ANTXR1: variants seen among roughly 807,000 people sequenced by gnomAD.
The protein encoded by ANTXR1 is ANTXR cell adhesion molecule 1.
In ANTXR1, 19 loss-of-function variants were observed where a neutral mutation model predicts 78.1. The ratio of observed to expected loss-of-function variants is 0.24; its 90% CI spans 0.17 to 0.36. The LOEUF is 0.36. Ranked by LOEUF, ANTXR1 falls within the 10% of genes least tolerant of loss-of-function variation. The pLI, the probability that ANTXR1 is intolerant of heterozygous loss-of-function variation, is 1.00. For missense variants in ANTXR1, 518 were observed against 718.6 expected, an observed-to-expected ratio of 0.72 and a Z score of 3.19; for synonymous variants, 273 against 260.5, an observed-to-expected ratio of 1.05 and a Z score of -0.46.
intron 3 of ANTXR1, among the ~76,000 whole-genome samples, chr2:69,052,126 T>C (rs1172728434): frequency 6.6e-6 from 1 of 152,152 alleles, no homozygotes; most frequent in East Asian, 1.9e-4. Context: ...ATATTTGCAT[T>C]GTATTTTAGA....
chr2:69,014,318 C>T (rs1433589809), intron 1 of ANTXR1, among the ~76,000 whole-genome samples: 1 of 152,026 alleles, frequency 6.6e-6, no homozygotes, highest in Non-Finnish European at 1.5e-5. Flanking sequence ...AGTAACATCC[C>T]CCGCCCCCCA....
intron 17 of ANTXR1, among the ~76,000 whole-genome samples, chr2:69,237,463 C>G (rs369280829): frequency 1.3e-5 from 2 of 152,234 alleles, no homozygotes; most frequent in East Asian, 3.8e-4. Flanking sequence ...GGGTCTCACT[C>G]TGTTGCCCAG....
intron 3 of ANTXR1, among the ~76,000 whole-genome samples, chr2:69,059,461 A>G (rs1199857266): frequency 1.3e-5 from 2 of 150,708 alleles, no homozygotes; most frequent in Non-Finnish European, 2.9e-5. Context: ...GCAATAAAGT[A>G]TTTTTCATCG....
intron 12 of ANTXR1, among the ~76,000 whole-genome samples, chr2:69,132,083 C>A (rs1672766059): frequency 6.6e-6 from 1 of 152,146 alleles, no homozygotes; most frequent in Non-Finnish European, 1.5e-5. Context: ...CCAAGCAGAA[C>A]CATAGAGACT....
At chr2:69,179,458 G>A (rs1326423639) in intron 14 of ANTXR1, among the ~76,000 whole-genome samples, 1 of 150,830 alleles carries the variant, frequency 6.6e-6, no homozygotes, top group Non-Finnish European at 1.5e-5. Context: ...TGAGGTGAGA[G>A]AATTGCTTGA....
intron 10 of ANTXR1, among the ~76,000 whole-genome samples, chr2:69,120,528 C>T (rs1672312099): frequency 6.6e-6 from 1 of 152,026 alleles, no homozygotes; most frequent in African/African-American, 2.4e-5. Flanking sequence ...ATTAGGTGGG[C>T]CTGGTGGCAG....
chr2:69,196,422 G>A (rs1031939893), intron 17 of ANTXR1, among the ~76,000 whole-genome samples: 2 of 152,226 alleles, frequency 1.3e-5, no homozygotes, highest in African/African-American at 4.8e-5. Context: ...ACAGCCACAC[G>A]ATGTACACAT....
rs76339812 is a variant in ANTXR1 at position 69,197,986 on chromosome 2, T to C, written c.1434+4571T>C. Among the ~76,000 whole-genome samples, 744 of 152,360 alleles carry C rather than the reference T, an allele frequency of 4.9e-3. 5 individuals are homozygous for C. The highest frequency in any genetic ancestry group is 0.017 in the African/African-American group (709 of 41,590). On this transcript the variant is annotated intron_variant, in intron 17 of 17. Coordinates refer to ENST00000303714, the MANE Select transcript of ANTXR1 (RefSeq NM_032208.3). ...CACTACATATCCTTGAATAATATCA[T>C]TTTAATGACCATGTCATATTACATT...
intron 1 of ANTXR1, among the ~76,000 whole-genome samples, chr2:69,019,929 C>A (rs944452561): frequency 3.9e-5 from 6 of 152,192 alleles, no homozygotes; most frequent in Admixed American, 3.3e-4. Context: ...TTTATAGCTA[C>A]ATAAAATGCC....
intron 10 of ANTXR1, among the ~76,000 whole-genome samples, chr2:69,111,202 T>C (rs371026609): frequency 6.6e-6 from 1 of 152,212 alleles, no homozygotes; most frequent in Admixed American, 6.5e-5. Flanking sequence ...CAAGAAAATA[T>C]CTTGGAAATC....
intron 14 of ANTXR1, among the ~76,000 whole-genome samples, chr2:69,180,858 G>A (rs1246222554): frequency 6.6e-6 from 1 of 152,192 alleles, no homozygotes; most frequent in Non-Finnish European, 1.5e-5. Flanking sequence ...AATTTCCAGG[G>A]GAGGTTTCTC....
intron 1 of ANTXR1, among the ~76,000 whole-genome samples, chr2:69,029,165 A>AT (rs1390231915): frequency 6.6e-6 from 1 of 151,884 alleles, no homozygotes; most frequent in Non-Finnish European, 1.5e-5. Flanking sequence ...GGAGGCAGAG[A>AT]TTGCAGTGAG....
At chr2:69,189,680 A>G (rs1196124607) in intron 16 of ANTXR1, among the ~76,000 whole-genome samples, 1 of 152,206 alleles carries the variant, frequency 6.6e-6, no homozygotes, top group Non-Finnish European at 1.5e-5. Flanking sequence ...CAGAGCTGCT[A>G]CAGAGAGAAC....
At chr2:69,124,535 G>A (rs1214552225) in intron 11 of ANTXR1, 30 bp from the exon 12 acceptor site, 2 of 1,609,530 alleles carry the variant, frequency 1.2e-6, no homozygotes, top group Admixed American at 3.3e-5. Flanking sequence ...ACGCCCTGCT[G>A]AGAGTCTGCT....
chr2:69,216,850 C>A (rs1038042193), intron 17 of ANTXR1, among the ~76,000 whole-genome samples: 2 of 152,200 alleles, frequency 1.3e-5, no homozygotes, highest in Non-Finnish European at 2.9e-5. Flanking sequence ...ACATTCTTGA[C>A]CCGTGTTTGG....
chr2:69,225,209 T>C (rs2104514956), intron 17 of ANTXR1, among the ~76,000 whole-genome samples: 1 of 152,370 alleles, frequency 6.6e-6, no homozygotes, highest in East Asian at 1.9e-4. Context: ...TTATGCTGGC[T>C]AACCCACATG....
chr2:69,177,904 C>G (rs1293838966), intron 14 of ANTXR1, among the ~76,000 whole-genome samples: 1 of 152,210 alleles, frequency 6.6e-6, no homozygotes, highest in Non-Finnish European at 1.5e-5. Flanking sequence ...TCATTCCCCA[C>G]AAGCCCCTGA....
At chr2:69,127,563 T>C (rs1672581113) in intron 12 of ANTXR1, among the ~76,000 whole-genome samples, 3 of 152,062 alleles carry the variant, frequency 2.0e-5, no homozygotes, top group Admixed American at 6.5e-5. Context: ...ATTTAGAAGA[T>C]TACTTGGCTG....
In ANTXR1 at chr2:69,122,005, A is replaced by G. The variant is rs139358900; in HGVS notation, c.803-1012A>G. Among the ~76,000 whole-genome samples, 509 of 152,340 alleles carry G rather than the reference A, an allele frequency of 3.3e-3. 1 individual carries two copies. Among genetic ancestry groups the G allele is most frequent in the African/African-American group, 0.011 (475 of 41,576 alleles). ...ACTCTGATTCACCTTCTACAGCTAC[A>G]TCTGCTATGACCTCCAAAATCATCA... On this transcript the variant is annotated intron_variant, in intron 10 of 17. Transcript: ENST00000303714.
Sources: gnomAD v4.1 joint callset for allele counts (sites outside exome capture counted in the v4.1 genomes callset) on GRCh38, gnomAD v4.1.1 for gene constraint, MANE v1.5 for transcripts, NCBI Gene and HGNC (gene_info 2026-07-23, HGNC 2026-07-21) for gene names.